Variants in DNMBP observed in about 807,000 individuals in gnomAD.
DNMBP encodes the protein dynamin-binding protein.
A neutral mutation model predicts 150.0 loss-of-function variants in DNMBP; 87 were observed. The ratio of observed to expected loss-of-function variants is 0.58; its 90% CI spans 0.49 to 0.69. The LOEUF is 0.69. Among genes scored for constraint, DNMBP ranks in the 30% least tolerant of loss-of-function variants. The probability of loss-of-function intolerance (pLI) is 0.00; values close to 1 mark genes in which losing one functional copy is unlikely to be tolerated. For synonymous variants in DNMBP, 711 were observed against 750.4 expected (o/e 0.95, Z 0.86); for missense variants, 1,774 against 1,949.0 (o/e 0.91, Z 1.69).
chr10:99,952,655 C>G (rs971741404), intron 4 of DNMBP, among the ~76,000 whole-genome samples: 16 of 152,352 alleles, frequency 1.1e-4, no homozygotes, highest in African/African-American at 3.6e-4. Context: ...TCCCTTAGAA[C>G]TCTGCCCACA....
chr10:99,995,361 T>C (rs2040940024), intron 1 of DNMBP, among the ~76,000 whole-genome samples: 1 of 152,170 alleles, frequency 6.6e-6, no homozygotes, highest in African/African-American at 2.4e-5. Flanking sequence ...ACAGAAATCT[T>C]ATACATCTTT....
chr10:99,967,217 C>A (rs548082985), intron 3 of DNMBP, among the ~76,000 whole-genome samples: 55 of 151,968 alleles, frequency 3.6e-4, no homozygotes, highest in African/African-American at 1.3e-3. Context: ...TGGGCAACAA[C>A]GTGAGACCCT....
At chr10:99,979,487 T>C (rs2040761989) in intron 1 of DNMBP, among the ~76,000 whole-genome samples, 1 of 152,186 alleles carries the variant, frequency 6.6e-6, no homozygotes, top group Non-Finnish European at 1.5e-5. Context: ...GCTCCAATGA[T>C]GTGTCCAGGA....
In DNMBP at chr10:99,956,723, G is replaced by A. The variant is rs557439254; in HGVS notation, c.751C>T (p.Leu251=). 135 of 1,614,074 alleles carry A rather than the reference G, an allele frequency of 8.4e-5. 1 individual carries two copies. In the South Asian group the frequency reaches 1.4e-3, roughly 16 times the overall value. ...EEEPGTYGVA[L]YRFQALEPNE... ...GGCTCCAGGGCTTGGAATCTGTACA[G>A]GGCGACCCCATAGGTCCCTGGCTCC... Residue 251 remains leucine, a synonymous_variant, in exon 4 of 17, where the codon CTG becomes TTG. Transcript: ENST00000324109.
chr10:99,964,885 A>AAAATATAT (rs1554871063), intron 3 of DNMBP, among the ~76,000 whole-genome samples: 2 of 135,968 alleles, frequency 1.5e-5, no homozygotes, highest in African/African-American at 5.6e-5. Flanking sequence ...AAAAAAAAAA[A>AAAATATAT]ATATATATAT....
chr10:99,896,162 A>G (rs529013711), intron 10 of DNMBP, 105 bp downstream of exon 10: 1 of 1,319,754 alleles, frequency 7.6e-7, no homozygotes, highest in African/African-American at 1.5e-5. Context: ...AAACCGGAGG[A>G]CGTCTGAGGA....
At position 99,971,069 on chromosome 10, in the gene DNMBP, T is replaced by C. The variant is rs188748296; in HGVS notation, c.145+911A>G. Among the ~76,000 whole-genome samples, 191 of 148,920 alleles carry C rather than the reference T, an allele frequency of 1.3e-3. 3 individuals are homozygous for C. The South Asian group carries it at 0.033, about 26-fold the overall frequency. On this transcript the variant is annotated intron_variant, in intron 2 of 16. Coordinates refer to ENST00000324109, the MANE Select transcript of DNMBP (RefSeq NM_015221.4). Reference sequence around the variant, plus strand: ...GTTTTGAGAAGAGGAATAATAGCACTGAACACAAAGGATAAAGACCTGGGA... The same window carrying C: ...GTTTTGAGAAGAGGAATAATAGCACCGAACACAAAGGATAAAGACCTGGGA...
Position 99,889,505 on chromosome 10 carries a change from T to A in DNMBP, c.3157-552A>T, listed in dbSNP as rs1474948091. The A allele has an allele frequency of 1.3e-5, 2 of 152,332 alleles. 1 individual carries two copies. The highest frequency in any genetic ancestry group is 2.9e-5 in the Non-Finnish European group (2 of 68,146). 9.4% of individuals were successfully genotyped at this position (152,332 alleles called of 1,614,324 possible). A position where few individuals can be genotyped will look rare whatever the true frequency, so the allele number is the denominator to read the frequency against. ...TGCTTGCTTATTGTCATGATCTCCCTCACCCACCCTCCTAGTAAAAATGCG... is the reference window on the plus strand; with the variant it reads ...TGCTTGCTTATTGTCATGATCTCCCACACCCACCCTCCTAGTAAAAATGCG... On this transcript the variant is annotated intron_variant, in intron 11 of 16. Coordinates refer to ENST00000324109, the MANE Select transcript of DNMBP (RefSeq NM_015221.4).
chr10:99,919,431 A>G (rs1340096761), intron 4 of DNMBP, among the ~76,000 whole-genome samples: 1 of 152,218 alleles, frequency 6.6e-6, no homozygotes, highest in Non-Finnish European at 1.5e-5. Context: ...ATAACATTTT[A>G]TATATCTTTT....
chr10:100,001,948 T>C (rs2041017925), intron 1 of DNMBP, among the ~76,000 whole-genome samples: 1 of 152,152 alleles, frequency 6.6e-6, no homozygotes, highest in African/African-American at 2.4e-5. Flanking sequence ...CTGGGCTGTT[T>C]GTGCACGGAG....
intron 1 of DNMBP, among the ~76,000 whole-genome samples, chr10:99,975,123 G>A (rs1158956742): frequency 6.6e-6 from 1 of 152,178 alleles, no homozygotes. Context: ...ACTTTGGGAG[G>A]CTGAGGCGGG....
chr10:99,956,334 G>C lies in DNMBP; in HGVS notation c.1140C>G (p.Thr380=). Residue 380 remains threonine (T), a synonymous_variant, in exon 4 of 17, where the codon ACC becomes ACG. Transcript: ENST00000324109. ...TDRNSYQDED[T]AGGPPRSPGV... is the part of the protein sequence containing the mutation. ...CTGGGCTTCTCGGGGGCCCTCCTGC[G>C]GTGTCCTCGTCCTGATAAGAGTTTC... 1 of 1,613,938 alleles carries C rather than the reference G, an allele frequency of 6.2e-7. No individual in the cohort carries two copies. Among genetic ancestry groups the C allele is most frequent in the South Asian group, 1.1e-5 (1 of 91,048 alleles).
intron 14 of DNMBP, 43 bp from the exon 15 acceptor site, chr10:99,884,252 C>T (rs1194091967): frequency 6.5e-7 from 1 of 1,529,890 alleles, no homozygotes; most frequent in Non-Finnish European, 9.0e-7. Flanking sequence ...GTGGCCACTA[C>T]CCCAGCAGCC....
chr10:99,910,279 C>A (rs550302383), intron 4 of DNMBP, among the ~76,000 whole-genome samples: 1 of 152,250 alleles, frequency 6.6e-6, no homozygotes, highest in South Asian at 2.1e-4. Context: ...CAGTGGCTCA[C>A]GCCCATGATC....
intron 2 of DNMBP, among the ~76,000 whole-genome samples, chr10:99,970,695 G>A (rs930649694): frequency 6.6e-6 from 1 of 152,012 alleles, no homozygotes. Flanking sequence ...CAGTAGTGCC[G>A]GGTGCGGTGG....
chr10:99,877,063 C>T lies in DNMBP; in HGVS notation c.*88G>A. On this transcript the variant is annotated 3_prime_UTR_variant, in exon 17 of 17. Coordinates refer to ENST00000324109, the MANE Select transcript of DNMBP (RefSeq NM_015221.4). Reference sequence around the variant, plus strand: ...AGCAACGCAGACAGGGCCTGTGTCTCAGGAGCAGGCGCCCTCTCGGTGGGC... The same window carrying T: ...AGCAACGCAGACAGGGCCTGTGTCTTAGGAGCAGGCGCCCTCTCGGTGGGC... 2 of 1,239,928 alleles carry T rather than the reference C, an allele frequency of 1.6e-6. No homozygotes were observed. The highest frequency in any genetic ancestry group is 2.3e-5 in the Admixed American group (1 of 43,804). 76.8% of individuals were successfully genotyped at this position (1,239,928 alleles called of 1,614,324 possible).
intron 1 of DNMBP, among the ~76,000 whole-genome samples, chr10:99,986,539 G>A (rs2040828767): frequency 7.3e-6 from 1 of 137,554 alleles, no homozygotes; most frequent in Non-Finnish European, 1.5e-5. Flanking sequence ...TGCAAGGCGT[G>A]AGCTGAGATC....
At position 99,885,742 on chromosome 10, in the gene DNMBP, G is replaced by C. The variant is rs772489564; in HGVS notation, c.3743C>G (p.Pro1248Arg). 1 of 1,598,004 alleles carries C rather than the reference G, an allele frequency of 6.3e-7. No homozygotes were observed. Among genetic ancestry groups the C allele is most frequent in the Middle Eastern group, 1.7e-4 (1 of 6,024 alleles). The change falls in exon 14 of 17, where the codon CCA (proline) becomes CGA (arginine). Residue 1248 changes from proline to arginine, a missense_variant. This residue lies in a region of DNMBP where 1,430 missense variants were observed against 1,492.5 expected (regional missense o/e 0.96). Coordinates refer to ENST00000324109, the MANE Select transcript of DNMBP (RefSeq NM_015221.4). The stretch of plus-strand genomic sequence containing the variant: ...GCGGTCAATGGTTTTCCTCTCAAAT[G>C]GCTTCTTGGTAGCTGGAAGAGACTC... Reference protein sequence around the residue: ...FPESLPATKKPFERKTIDRQS... With the variant: ...FPESLPATKKRFERKTIDRQS...
intron 1 of DNMBP, among the ~76,000 whole-genome samples, chr10:99,998,106 A>ATG (rs1564759173): frequency 1.3e-5 from 2 of 150,756 alleles, no homozygotes; most frequent in East Asian, 1.9e-4. Flanking sequence ...GTGGTGGCGC[A>ATG]CACCTGTATT....
Sources: allele counts gnomAD v4.1 joint callset (sites outside exome capture counted in the v4.1 genomes callset), GRCh38; gene constraint gnomAD v4.1.1; regional missense constraint gnomAD v4.1.1; transcripts MANE v1.5; gene names NCBI Gene and HGNC (gene_info 2026-07-23, HGNC 2026-07-21).